SYK: variants seen among roughly 807,000 people sequenced by gnomAD.
SYK encodes spleen associated tyrosine kinase, also known as tyrosine-protein kinase SYK.
Under a neutral mutation model 77.8 loss-of-function variants are expected in SYK, and 16 were observed. The observed-to-expected ratio is 0.21, with a 90% CI of 0.14 to 0.31. The LOEUF (loss-of-function observed/expected upper bound fraction) is 0.31, where lower values mean the gene tolerates loss of function less well. SYK is among the 10% of genes least tolerant of loss of function. SYK has a pLI of 1.00. For missense variants in SYK, 529 were observed against 814.4 expected (o/e 0.65, Z 4.26); for synonymous variants, 312 against 308.7 (o/e 1.01, Z -0.11).
At chr9:90,851,091 G>T (rs114453633) in intron 3 of SYK, among the ~76,000 whole-genome samples, 1 of 152,134 alleles carries the variant, frequency 6.6e-6, no homozygotes, top group Non-Finnish European at 1.5e-5. Context: ...ACAAGAACTC[G>T]GGTGTGGAGG....
chr9:90,877,831 G>A, intron 10 of SYK, 51 bp downstream of exon 10: 1 of 1,601,712 alleles, frequency 6.2e-7, no homozygotes, highest in South Asian at 1.1e-5. Flanking sequence ...AAGGGACAGG[G>A]CCCACCCCTG....
chr9:90,847,825 G>T (rs1006423576), intron 3 of SYK, among the ~76,000 whole-genome samples: 1 of 152,238 alleles, frequency 6.6e-6, no homozygotes, highest in Non-Finnish European at 1.5e-5. Context: ...GGTCATCACT[G>T]ATGTAGCTTT....
intron 11 of SYK, among the ~76,000 whole-genome samples, chr9:90,884,165 A>ATACACATACGTGTATATATACACG (rs1564119863): frequency 5.4e-5 from 4 of 74,544 alleles, no homozygotes; most frequent in African/African-American, 2.2e-4. Flanking sequence ...ATATATACAC[A>ATACACATACGTGTATATATACACG]CATACACATA....
chr9:90,820,181 T>C (rs367616563), intron 1 of SYK, among the ~76,000 whole-genome samples: 53 of 152,196 alleles, frequency 3.5e-4, no homozygotes, highest in African/African-American at 1.2e-3. Context: ...CAGGTTGGCA[T>C]TGAGTGTCTG....
At chr9:90,870,447 A>G (rs1156961792) in intron 7 of SYK, among the ~76,000 whole-genome samples, 1 of 152,254 alleles carries the variant, frequency 6.6e-6, no homozygotes, top group East Asian at 1.9e-4. Flanking sequence ...TGGTGATTAT[A>G]ATATTTTAAA....
intron 1 of SYK, among the ~76,000 whole-genome samples, chr9:90,826,432 C>T (rs1224948446): frequency 6.6e-6 from 1 of 152,256 alleles, no homozygotes; most frequent in Non-Finnish European, 1.5e-5. Context: ...GATGTACAGC[C>T]AACCTCTTCT....
chr9:90,866,954 G>A (rs1203464326), intron 6 of SYK, among the ~76,000 whole-genome samples, 177 bp from the exon 7 acceptor site: 1 of 152,176 alleles, frequency 6.6e-6, no homozygotes, highest in Non-Finnish European at 1.5e-5. Flanking sequence ...CAAGTGGCAG[G>A]CCCTTCCAGA....
chr9:90,846,936 C>T (rs997251048), intron 3 of SYK, among the ~76,000 whole-genome samples: 4 of 152,244 alleles, frequency 2.6e-5, no homozygotes, highest in Non-Finnish European at 5.9e-5. Context: ...AGCATCTTGG[C>T]ATGTGAAGTC....
At chr9:90,890,978 G>T (rs1675334) in intron 13 of SYK, among the ~76,000 whole-genome samples, 2 of 151,896 alleles carry the variant, frequency 1.3e-5, no homozygotes, top group Non-Finnish European at 2.9e-5. Flanking sequence ...GGCTCCGTGT[G>T]GAAATGCAAG....
intron 1 of SYK, among the ~76,000 whole-genome samples, chr9:90,821,972 A>G (rs1398216464): frequency 6.6e-6 from 1 of 152,130 alleles, no homozygotes; most frequent in Non-Finnish European, 1.5e-5. Flanking sequence ...ATATGAAATA[A>G]GGTGCCTTTA....
chr9:90,850,236 C>T (rs1273879609), intron 3 of SYK, among the ~76,000 whole-genome samples: 2 of 152,178 alleles, frequency 1.3e-5, no homozygotes, highest in African/African-American at 2.4e-5. Context: ...ATAATTATTT[C>T]GGCCGGGCAT....
intron 1 of SYK, among the ~76,000 whole-genome samples, chr9:90,804,196 A>C (rs542230798): frequency 3.7e-4 from 57 of 152,320 alleles, no homozygotes; most frequent in African/African-American, 1.1e-3. Flanking sequence ...GGAGTCTTAA[A>C]TAGCAAGATT....
intron 3 of SYK, among the ~76,000 whole-genome samples, chr9:90,850,733 C>T (rs1166972270): frequency 6.9e-6 from 1 of 145,732 alleles, no homozygotes; most frequent in Non-Finnish European, 1.5e-5. Context: ...AATCGCTTTA[C>T]GTGGAAAGTG....
chr9:90,871,883 G>A (rs1203972774), intron 7 of SYK, among the ~76,000 whole-genome samples: 13 of 152,176 alleles, frequency 8.5e-5, no homozygotes, highest in Admixed American at 8.5e-4. Context: ...TGGAAATGAA[G>A]CCCCAAGCTT....
In SYK at chr9:90,895,552, A is replaced by T; in HGVS notation, c.1860A>T (p.Ala620=). ...GTGTGGAAAACAGGCCCGGATTCGC[A>T]GCAGTGGAACTGCGGCTGCGCAATT... ...TYDVENRPGF[A]AVELRLRNYY... Residue 620 remains alanine (A), a synonymous_variant, in exon 14 of 14, where the codon GCA becomes GCT. Coordinates refer to ENST00000375754, the MANE Select transcript of SYK (RefSeq NM_003177.7). The surrounding 1 kb of genome is among the most constrained non-coding windows in gnomAD (Gnocchi z 4.4). 6.2e-7 allele frequency: 1 copy of T among 1,614,198 alleles called. No homozygotes were observed. Among genetic ancestry groups the T allele is most frequent in the Non-Finnish European group, 8.5e-7 (1 of 1,180,030 alleles).
intron 5 of SYK, 137 bp from the exon 6 acceptor site, chr9:90,864,911 A>G: frequency 2.2e-6 from 2 of 889,622 alleles, no homozygotes; most frequent in Non-Finnish European, 3.6e-6. Context: ...AAGAGGGTCG[A>G]AAGAAGTACC....
intron 4 of SYK, among the ~76,000 whole-genome samples, chr9:90,863,439 C>T (rs1360204977): frequency 6.6e-6 from 1 of 152,170 alleles, no homozygotes; most frequent in Non-Finnish European, 1.5e-5. Flanking sequence ...ACTACAGAGC[C>T]TTAGCCCCTT....
intron 12 of SYK, 34 bp from the exon 13 acceptor site, chr9:90,888,481 A>T: frequency 6.5e-7 from 1 of 1,528,010 alleles, no homozygotes. Context: ...ACCTTTAAAA[A>T]AAAAAAAGCT....
chr9:90,885,077 C>A (rs1046225578), intron 11 of SYK, among the ~76,000 whole-genome samples: 1 of 150,816 alleles, frequency 6.6e-6, no homozygotes, highest in African/African-American at 2.4e-5. Context: ...GACTGTTGTA[C>A]CACATGGGCA....
Sources: allele counts gnomAD v4.1 joint callset (sites outside exome capture counted in the v4.1 genomes callset), GRCh38; gene constraint gnomAD v4.1.1; non-coding constraint Gnocchi (gnomAD v3.1); transcripts MANE v1.5; gene names NCBI Gene and HGNC (gene_info 2026-07-23, HGNC 2026-07-21).